Variants in PIEZO2 observed in about 807,000 individuals in gnomAD.
PIEZO2 encodes piezo-type mechanosensitive ion channel component 2.
Under a neutral mutation model 337.3 loss-of-function variants are expected in PIEZO2, and 172 were observed. The observed-to-expected ratio is 0.51, with a 90% confidence interval of 0.45 to 0.58. The LOEUF is 0.58. PIEZO2 is among the 20% of genes least tolerant of loss of function. The pLI is 0.00. For synonymous variants in PIEZO2, 1,251 were observed against 1,228.5 expected, an observed-to-expected ratio of 1.02 and a Z score of -0.38; for missense variants, 3,028 against 3,391.3, an observed-to-expected ratio of 0.89 and a Z score of 2.66.
Position 10,677,886 on chromosome 18 carries a change from A to G in PIEZO2, c.7953-11T>C, listed in dbSNP as rs907868317. On this transcript the variant is annotated splice_polypyrimidine_tract_variant and intron_variant, in intron 52 of 55. Coordinates refer to ENST00000674853, the MANE Select transcript of PIEZO2 (RefSeq NM_001378183.1). This position sits in a 1 kb window ranked among gnomAD's most constrained non-coding sequence, Gnocchi z 4.1. ...CCCAGACTTAAGTTTCTGTGAAGAAAAAAAAAAAGCTTAATGTCAGTGATT... is the reference window on the plus strand; with the variant it reads ...CCCAGACTTAAGTTTCTGTGAAGAAGAAAAAAAAGCTTAATGTCAGTGATT... The G allele has an allele frequency of 3.2e-6, 5 of 1,563,276 alleles. No individual in the cohort carries two copies. Among genetic ancestry groups the G allele is most frequent in the African/African-American group, 1.4e-5 (1 of 72,164 alleles).
At chr18:10,958,057 G>A (rs1307893049) in intron 3 of PIEZO2, among the ~76,000 whole-genome samples, 2 of 152,174 alleles carry the variant, frequency 1.3e-5, no homozygotes, top group African/African-American at 4.8e-5. Context: ...CTTACACTCT[G>A]TGTGTGGGAA....
chr18:10,945,541 T>C lies in PIEZO2; in HGVS notation c.286+33994A>G, dbSNP rs985641290. ...AACACCCCCAAGAGATCAAAACATTTCCAAATAACTTAACTGCATTTCAGA... is the reference window on the plus strand; with the variant it reads ...AACACCCCCAAGAGATCAAAACATTCCCAAATAACTTAACTGCATTTCAGA... On this transcript the variant is annotated intron_variant, in intron 3 of 55. Coordinates refer to ENST00000674853, the MANE Select transcript of PIEZO2 (RefSeq NM_001378183.1). The surrounding 1 kb of genome is among the most constrained non-coding windows in gnomAD (Gnocchi z 4.0). 2.0e-5 allele frequency among the ~76,000 whole-genome samples: 3 copies of C among 152,112 alleles called. No individual in the cohort carries two copies. The highest frequency in any genetic ancestry group is 2.0e-4 in the Admixed American group (3 of 15,276).
At position 10,871,277 on chromosome 18, in the gene PIEZO2, G is replaced by T. The variant is rs755535591; in HGVS notation, c.468C>A (p.Asn156Lys). The T allele has an allele frequency of 1.3e-6, 2 of 1,536,710 alleles. No individual in the cohort carries two copies. The highest frequency in any genetic ancestry group is 2.7e-5 in the African/African-American group (2 of 73,004). Residue 156 changes from asparagine to lysine, a missense_variant, in exon 5 of 56, where the codon AAC (asparagine) becomes AAA (lysine). Transcript: ENST00000674853. The part of the protein sequence containing the change: ...KPVTDEAAQS[N>K]PEFENEELAE... ...CCAATTCTTCATTTTCAAACTCCGG[G>T]TTACTCTGTGCTGCTTCGTCTGTCA...
In PIEZO2 at chr18:11,078,573, C is replaced by A. The variant is rs2038631469; in HGVS notation, c.65-12351G>T. 6.6e-6 allele frequency among the ~76,000 whole-genome samples: 1 copy of A among 152,284 alleles called. No homozygotes were observed. The highest frequency in any genetic ancestry group is 2.4e-5 in the African/African-American group (1 of 41,566). ...TCTTCCCTGACATATATGGAACTAT[C>A]GCTTTTGCTTTCAAATATTTCTGTT... On this transcript the variant is annotated intron_variant, in intron 1 of 55. Coordinates refer to ENST00000674853, the MANE Select transcript of PIEZO2 (RefSeq NM_001378183.1). This position sits in a 1 kb window ranked among gnomAD's most constrained non-coding sequence, Gnocchi z 5.3.
chr18:10,720,411 ATG>A (rs1361622448), intron 36 of PIEZO2, among the ~76,000 whole-genome samples: 7 of 9,962 alleles, frequency 7.0e-4, no homozygotes, highest in African/African-American at 2.5e-3. Flanking sequence ...GTGTATGTGT[ATG>A]TGTATGTATA....
Position 10,781,106 on chromosome 18 carries a change from A to G in PIEZO2, c.2493-740T>C, listed in dbSNP as rs1481710583. On this transcript the variant is annotated intron_variant, in intron 17 of 55. Coordinates refer to ENST00000674853, the MANE Select transcript of PIEZO2 (RefSeq NM_001378183.1). The surrounding 1 kb of genome is among the most constrained non-coding windows in gnomAD (Gnocchi z 4.1). Reference sequence around the variant, plus strand: ...GTTTTGCTAAAACTATAGTTTAAAAAAAGTCATTTCATTTCTCTATGCATA... The same window carrying G: ...GTTTTGCTAAAACTATAGTTTAAAAGAAGTCATTTCATTTCTCTATGCATA... Among the ~76,000 whole-genome samples, 1 of 152,206 alleles carries G rather than the reference A, an allele frequency of 6.6e-6. No homozygotes were observed. The highest frequency in any genetic ancestry group is 2.4e-5 in the African/African-American group (1 of 41,458).
intron 4 of PIEZO2, among the ~76,000 whole-genome samples, chr18:10,906,916 G>T (rs1012216626): frequency 1.3e-5 from 2 of 152,070 alleles, no homozygotes; most frequent in African/African-American, 4.8e-5. Context: ...TGGCCGTGTG[G>T]TGCCTGAGTA....
rs1170023632 is a variant in PIEZO2, at chr18:10,676,293, G to T, written c.8082-1005C>A. 1.3e-5 allele frequency among the ~76,000 whole-genome samples: 2 copies of T among 152,144 alleles called. No homozygotes were observed. The highest frequency in any genetic ancestry group is 4.8e-5 in the African/African-American group (2 of 41,426). The stretch of plus-strand genomic sequence containing the variant: ...GAACATTTCTAAGGCCTGCACCCTG[G>T]TGATCCATATATTCCATGCATTACA... On this transcript the variant is annotated intron_variant, in intron 53 of 55. Transcript: ENST00000674853. The surrounding 1 kb of genome is among the most constrained non-coding windows in gnomAD (Gnocchi z 5.1).
At chr18:10,932,474 C>T (rs567401923) in intron 3 of PIEZO2, among the ~76,000 whole-genome samples, 1 of 152,292 alleles carries the variant, frequency 6.6e-6, no homozygotes, top group South Asian at 2.1e-4. Flanking sequence ...TATCGAGTAG[C>T]TCCCATAATC....
rs976903888 is a variant in PIEZO2 at position 10,759,804 on chromosome 18, C to G, written c.3556G>C (p.Ala1186Pro). 6.5e-6 allele frequency: 10 copies of G among 1,537,356 alleles called. No homozygotes were observed. Among genetic ancestry groups the G allele is most frequent in the Non-Finnish European group, 7.0e-6 (8 of 1,146,940 alleles). Residue 1186 changes from alanine (A) to proline (P), a missense_variant, in exon 25 of 56, where the codon GCC becomes CCC. By Grantham distance (27) the Ala-to-Pro change is conservative. Around this residue, in one of 5 missense-constraint regions of PIEZO2, gnomAD observed 1,925 missense variants for 2,051.9 expected, o/e 0.94. Transcript: ENST00000674853. This position sits in a 1 kb window ranked among gnomAD's most constrained non-coding sequence, Gnocchi z 5.5. Reference sequence around the variant, plus strand: ...TACTTGGGCCAGATCTCTGCGATGGCTTTCCTTCTGCGTCTATATAAGACA... The same window carrying G: ...TACTTGGGCCAGATCTCTGCGATGGGTTTCCTTCTGCGTCTATATAAGACA... ...IAVLYRRRRK[A>P]IAEIWPKYCC...
At chr18:10,792,113 GTTT>G (rs1371325082) in intron 13 of PIEZO2, among the ~76,000 whole-genome samples, 4 of 151,952 alleles carry the variant, frequency 2.6e-5, no homozygotes, top group Admixed American at 2.0e-4. Flanking sequence ...CACCCGGCTA[GTTT>G]TTGTATTCTT....
In PIEZO2 at chr18:10,713,242, T is replaced by C. The variant is rs1321032830; in HGVS notation, c.5423+1522A>G. Among the ~76,000 whole-genome samples, 1 of 152,204 alleles carries C rather than the reference T, an allele frequency of 6.6e-6. No individual in the cohort carries two copies. The highest frequency in any genetic ancestry group is 6.5e-5 in the Admixed American group (1 of 15,278). ...AAAGATCTTTTCATACCAATAAATA[T>C]GGATCTGCCTCAATAATAATTATTG... On this transcript the variant is annotated intron_variant, in intron 39 of 55. Transcript: ENST00000674853. The surrounding 1 kb of genome is among the most constrained non-coding windows in gnomAD (Gnocchi z 4.5).
chr18:11,005,192 C>G (rs1029274854), intron 2 of PIEZO2, among the ~76,000 whole-genome samples: 1 of 152,160 alleles, frequency 6.6e-6, no homozygotes, highest in Non-Finnish European at 1.5e-5. Flanking sequence ...GAGTCCATTC[C>G]CCTTCACATC....
chr18:11,008,546 A>G (rs2035794964), intron 2 of PIEZO2, among the ~76,000 whole-genome samples: 1 of 152,162 alleles, frequency 6.6e-6, no homozygotes, highest in Non-Finnish European at 1.5e-5. Flanking sequence ...ACTCTTGTTT[A>G]GTTCACTGGC....
At chr18:10,780,436 T>C in intron 17 of PIEZO2, 70 bp from the exon 18 acceptor site, 1 of 701,028 alleles carries the variant, frequency 1.4e-6, no homozygotes, top group South Asian at 1.5e-5. Context: ...GAGGAGACTG[T>C]TAGACAGAGA....
intron 33 of PIEZO2, chr18:10,738,029 T>C (rs1160339802): frequency 6.6e-6 from 1 of 152,236 alleles, no homozygotes; most frequent in African/African-American, 2.4e-5. Flanking sequence ...TTGGGCCTTA[T>C]ATCCTTGAAC....
chr18:10,902,833 G>A (rs1233254772), intron 4 of PIEZO2, among the ~76,000 whole-genome samples: 4 of 152,164 alleles, frequency 2.6e-5, no homozygotes, highest in African/African-American at 9.7e-5. Flanking sequence ...CAAAAGGAAG[G>A]GATGGAGAAG....
At chr18:10,722,792 C>G (rs1189012283) in intron 36 of PIEZO2, among the ~76,000 whole-genome samples, 2 of 152,052 alleles carry the variant, frequency 1.3e-5, no homozygotes, top group Non-Finnish European at 2.9e-5. Context: ...ATGAGAACAC[C>G]TAGCGGGTGA....
At chr18:10,680,075 T>C in intron 52 of PIEZO2, 124 bp downstream of exon 52, 1 of 785,416 alleles carries the variant, frequency 1.3e-6, no homozygotes, top group Non-Finnish European at 2.0e-6. Flanking sequence ...AAGGCTATAA[T>C]GATAAAGTAA....
Sources: gnomAD v4.1 joint callset for allele counts (sites outside exome capture counted in the v4.1 genomes callset) on GRCh38, gnomAD v4.1.1 for gene constraint, gnomAD v4.1.1 regional missense constraint, Gnocchi (gnomAD v3.1) non-coding constraint, MANE v1.5 for transcripts, NCBI Gene and HGNC (gene_info 2026-07-23, HGNC 2026-07-21) for gene names.